The following SCMH1 variants were observed in gnomAD, a reference collection of about 807,000 sequenced individuals.
SCMH1 encodes polycomb protein SCMH1.
A neutral mutation model predicts 70.8 loss-of-function variants in SCMH1; 37 were observed. The observed-to-expected ratio is 0.52, with a 90% CI of 0.40 to 0.69. The LOEUF is 0.69. Among genes scored for constraint, SCMH1 ranks in the 30% least tolerant of loss-of-function variants. SCMH1 has a pLI of 0.00. For synonymous variants in SCMH1, 292 were observed against 307.4 expected, an observed-to-expected ratio of 0.95 and a Z score of 0.52; for missense variants, 607 against 827.3, an observed-to-expected ratio of 0.73 and a Z score of 3.27.
At chr1:41,049,840 G>A (rs1352510179) in intron 10 of SCMH1, among the ~76,000 whole-genome samples, 4 of 151,576 alleles carry the variant, frequency 2.6e-5, no homozygotes, top group Admixed American at 2.0e-4. Context: ...GAGGCGGAAG[G>A]ATCACTTAAA....
At chr1:41,176,189 C>CAAAAAAAAACA (rs1647113711) in intron 2 of SCMH1, among the ~76,000 whole-genome samples, 1 of 109,960 alleles carries the variant, frequency 9.1e-6, no homozygotes, top group Admixed American at 8.4e-5. Context: ...CCAAAAAAAA[C>CAAAAAAAAACA]AAAAAAAAAA....
At chr1:41,131,668 A>C (rs574937604) in intron 6 of SCMH1, among the ~76,000 whole-genome samples, 1 of 152,240 alleles carries the variant, frequency 6.6e-6, no homozygotes, top group East Asian at 1.9e-4. Context: ...CTCGTCATTT[A>C]CATTAGGTAT....
chr1:41,231,937 G>A (rs1429200682), intron 1 of SCMH1, among the ~76,000 whole-genome samples: 1 of 151,124 alleles, frequency 6.6e-6, no homozygotes, highest in African/African-American at 2.4e-5. Context: ...CAGGAGAATC[G>A]CTTGAACCCA....
At chr1:41,221,024 T>A (rs376751798) in intron 1 of SCMH1, among the ~76,000 whole-genome samples, 1 of 152,200 alleles carries the variant, frequency 6.6e-6, no homozygotes, top group South Asian at 2.1e-4. Context: ...TTTATTGGCA[T>A]AGATTGAAAA....
At chr1:41,177,930 T>C (rs1647445800) in intron 2 of SCMH1, among the ~76,000 whole-genome samples, 1 of 152,128 alleles carries the variant, frequency 6.6e-6, no homozygotes, top group Non-Finnish European at 1.5e-5. Flanking sequence ...CCAAGACACA[T>C]AATTGTCAGA....
intron 1 of SCMH1, among the ~76,000 whole-genome samples, chr1:41,193,932 T>C (rs1652372643): frequency 6.6e-6 from 1 of 152,228 alleles, no homozygotes; most frequent in Non-Finnish European, 1.5e-5. Flanking sequence ...GACTTTTATA[T>C]ACATTATTTC....
chr1:41,134,329 A>G (rs1212297373), intron 6 of SCMH1, among the ~76,000 whole-genome samples: 1 of 152,246 alleles, frequency 6.6e-6, no homozygotes, highest in Non-Finnish European at 1.5e-5. Flanking sequence ...CCAATATCAT[A>G]CTGAATGGGC....
intron 1 of SCMH1, among the ~76,000 whole-genome samples, chr1:41,224,199 A>G (rs988785603): frequency 1.3e-5 from 2 of 152,136 alleles, no homozygotes; most frequent in African/African-American, 2.4e-5. Flanking sequence ...AGACAAAATC[A>G]TTATCTCTTC....
intron 4 of SCMH1, among the ~76,000 whole-genome samples, chr1:41,154,438 T>C (rs528928583): frequency 3.0e-4 from 46 of 152,322 alleles, no homozygotes; most frequent in Admixed American, 3.0e-3. Flanking sequence ...ATGTGAAAGA[T>C]GAAGACAATA....
At chr1:41,068,371 T>C (rs1030499238) in intron 10 of SCMH1, among the ~76,000 whole-genome samples, 3 of 152,022 alleles carry the variant, frequency 2.0e-5, no homozygotes, top group Non-Finnish European at 2.9e-5. Context: ...CGGGAGTGAA[T>C]AGAGAAAAAG....
intron 5 of SCMH1, among the ~76,000 whole-genome samples, chr1:41,148,138 T>C (rs1644749556): frequency 6.6e-6 from 1 of 152,200 alleles, no homozygotes; most frequent in African/African-American, 2.4e-5. Flanking sequence ...TCAAGTAAGA[T>C]AGTACTACTT....
intron 9 of SCMH1, among the ~76,000 whole-genome samples, chr1:41,073,680 ACCTACCCT>A (rs140450635): frequency 0.03 from 4,532 of 151,954 alleles, 211 homozygotes; most frequent in African/African-American, 0.1. Flanking sequence ...GTACCCACCC[ACCTACCCT>A]CCTACCCATC....
chr1:41,035,599 G>A (rs938277576), intron 13 of SCMH1, among the ~76,000 whole-genome samples: 9 of 152,168 alleles, frequency 5.9e-5, no homozygotes, highest in African/African-American at 2.2e-4. Flanking sequence ...CAGAGAAAGT[G>A]TGCCTCCTTT....
chr1:41,179,093 G>T (rs1248304818), intron 2 of SCMH1, among the ~76,000 whole-genome samples: 1 of 151,790 alleles, frequency 6.6e-6, no homozygotes, highest in Non-Finnish European at 1.5e-5. Context: ...ACTCAAAACC[G>T]CTCAACTACA....
At position 41,028,915 on chromosome 1, in the gene SCMH1, T is replaced by C. The variant is rs376593941; in HGVS notation, c.1679-189A>G. ...AAAGGGAAAGCCAAATCTTTGTTTT[T>C]TAAGGGTAGATCTGATTTTTGGAAA... On this transcript the variant is annotated intron_variant, in intron 13 of 14. Coordinates refer to ENST00000337495, the Ensembl canonical transcript of SCMH1. Among the ~76,000 whole-genome samples, 12 of 152,294 alleles carry C rather than the reference T, an allele frequency of 7.9e-5. No homozygotes were observed. In the East Asian group the frequency reaches 1.5e-3, roughly 20 times the overall value.
intron 1 of SCMH1, among the ~76,000 whole-genome samples, chr1:41,234,728 C>A (rs796659940): frequency 1.2e-4 from 18 of 152,098 alleles, no homozygotes; most frequent in African/African-American, 4.1e-4. Flanking sequence ...CCCACCTCGG[C>A]CTCCCAAAAT....
At chr1:41,198,537 G>T (rs191993892) in intron 1 of SCMH1, among the ~76,000 whole-genome samples, 69 of 152,216 alleles carry the variant, frequency 4.5e-4, no homozygotes, top group African/African-American at 1.6e-3. Context: ...TTTTATAACA[G>T]GAGCTTTCAT....
At chr1:41,120,976 C>A (rs1178978462) in intron 6 of SCMH1, among the ~76,000 whole-genome samples, 3 of 152,212 alleles carry the variant, frequency 2.0e-5, no homozygotes, top group Admixed American at 6.5e-5. Flanking sequence ...CAGTGGATCA[C>A]TACTACTATT....
chr1:41,237,427 C>T (rs949427462), intron 1 of SCMH1, among the ~76,000 whole-genome samples: 1 of 152,058 alleles, frequency 6.6e-6, no homozygotes, highest in Non-Finnish European at 1.5e-5. Flanking sequence ...TTATTGCAAA[C>T]AAAAATTTGA....
Sources: allele counts gnomAD v4.1 joint callset (sites outside exome capture counted in the v4.1 genomes callset), GRCh38; gene constraint gnomAD v4.1.1; transcripts MANE v1.5; gene names NCBI Gene and HGNC (gene_info 2026-07-23, HGNC 2026-07-21).